Variants in CFAP92 observed in about 807,000 individuals in gnomAD.
CFAP92 encodes the protein uncharacterized protein CFAP92.
Under a neutral mutation model 106.3 loss-of-function variants are expected in CFAP92, and 86 were observed. The ratio of observed to expected loss-of-function variants is 0.81; its 90% CI spans 0.68 to 0.97. The LOEUF is 0.97. Among genes scored for constraint, CFAP92 ranks in the 50% least tolerant of loss-of-function variants. The pLI, the probability that CFAP92 is intolerant of heterozygous loss-of-function variation, is 0.00. For missense variants in CFAP92, 1,204 were observed against 1,283.8 expected (o/e 0.94, Z 0.95); for synonymous variants, 477 against 506.4 (o/e 0.94, Z 0.78).
the CFAP92 span, among the ~76,000 whole-genome samples, chr3:129,020,151 C>T: frequency 1.3e-5 from 2 of 152,074 alleles, no homozygotes; most frequent in Non-Finnish European, 2.9e-5. Flanking sequence ...GACAGCACTG[C>T]AGAAATTTAT....
chr3:128,915,446 C>T lies in CFAP92; in HGVS notation c.3034G>A (p.Ala1012Thr), dbSNP rs1432225706. The T allele has an allele frequency of 7.2e-6, 11 of 1,536,114 alleles. No homozygotes were observed. Among genetic ancestry groups the T allele is most frequent in the Non-Finnish European group, 9.6e-6 (11 of 1,146,912 alleles). ...QKKSRQAWLT[A>T]RGFQVTGLQS... is the part of the protein sequence containing the mutation. ...AGACCTGTCACTTGGAATCCCCTGG[C>T]TGTGAGCCAGGCCTGGCGGGATTTC... The change falls in exon 14 of 16, where the codon GCC becomes ACC. Residue 1012 changes from alanine (A) to threonine (T), a missense_variant. By Grantham distance (58) the Ala-to-Thr change is moderately conservative. Coordinates refer to ENST00000645291, the MANE Select transcript of CFAP92 (RefSeq NM_001394090.1).
rs149770595 is a variant in CFAP92 at position 128,915,125 on chromosome 3, C to A, written c.3274G>T (p.Val1092Leu). 6.5e-7 allele frequency: 1 copy of A among 1,535,886 alleles called. No homozygotes were observed. The highest frequency in any genetic ancestry group is 1.2e-5 in the South Asian group (1 of 84,038). The change falls in exon 15 of 16, where the codon GTA (valine) becomes TTA (leucine). Residue 1092 changes from valine (V) to leucine (L), a missense_variant. Physicochemically the swap from Val to Leu is conservative, Grantham distance 32 (BLOSUM62 1). Coordinates refer to ENST00000645291, the MANE Select transcript of CFAP92 (RefSeq NM_001394090.1). ...ELLPSPAPKP[V>L]TVRKKKGNSP... ...GCAAACCCTTGCCTGTTACCTGTTA[C>A]AGGCTTTGGTGCGGGCGAAGGGAGC...
At chr3:128,926,973 A>T (rs1937722646) in intron 12 of CFAP92, among the ~76,000 whole-genome samples, 1 of 152,084 alleles carries the variant, frequency 6.6e-6, no homozygotes, top group Admixed American at 6.5e-5. Flanking sequence ...GCATGCTTGT[A>T]GTCCCAGCTA....
At chr3:128,916,053 A>G in intron 13 of CFAP92, 54 bp downstream of exon 13, 1 of 1,204,366 alleles carries the variant, frequency 8.3e-7, no homozygotes, top group Non-Finnish European at 1.0e-6. Flanking sequence ...GCATGGTCAG[A>G]ATAAAGAACT....
At chr3:129,012,642 G>A in the CFAP92 span, among the ~76,000 whole-genome samples, 1 of 152,202 alleles carries the variant, frequency 6.6e-6, no homozygotes, top group Non-Finnish European at 1.5e-5. Context: ...TAGTCCTGTT[G>A]GCCCGGACCA....
intron 4 of CFAP92, among the ~76,000 whole-genome samples, chr3:128,980,373 A>G (rs2107799037): frequency 6.6e-6 from 1 of 151,634 alleles, no homozygotes; most frequent in Admixed American, 6.6e-5. Flanking sequence ...TCTCAAAAAA[A>G]AAAAAAAAAA....
upstream of CFAP92, among the ~76,000 whole-genome samples, chr3:129,005,960 T>C (rs918276940): frequency 6.6e-6 from 1 of 152,280 alleles, no homozygotes; most frequent in Non-Finnish European, 1.5e-5. Context: ...ACTAGTCCTC[T>C]ATAGCAGAAT....
chr3:129,001,236 C>T (rs909041845), intron 1 of CFAP92, among the ~76,000 whole-genome samples: 2 of 152,182 alleles, frequency 1.3e-5, no homozygotes, highest in African/African-American at 2.4e-5. Flanking sequence ...GAACTCTCCG[C>T]GCCAGGCGGG....
intron 10 of CFAP92, among the ~76,000 whole-genome samples, chr3:128,942,004 G>T (rs993398024): frequency 5.9e-5 from 9 of 152,142 alleles, no homozygotes; most frequent in African/African-American, 2.2e-4. Context: ...AAAAGCTTTT[G>T]AGATATAATT....
chr3:128,932,017 C>G (rs1280227783), intron 12 of CFAP92, among the ~76,000 whole-genome samples: 1 of 152,100 alleles, frequency 6.6e-6, no homozygotes, highest in Non-Finnish European at 1.5e-5. Flanking sequence ...GACCCCGATT[C>G]AAAAAACATA....
Position 128,971,421 on chromosome 3 carries a change from T to A in CFAP92, c.1034A>T (p.Asp345Val), listed in dbSNP as rs765893021. 1 of 1,607,958 alleles carries A rather than the reference T, an allele frequency of 6.2e-7. No homozygotes were observed. Among genetic ancestry groups the A allele is most frequent in the Admixed American group, 1.7e-5 (1 of 58,766 alleles). The change falls in exon 8 of 16, where the codon GAT becomes GTT. Residue 345 changes from aspartate (D) to valine (V), a missense_variant. Physicochemically the swap from Asp to Val is radical, Grantham distance 152. Transcript: ENST00000645291. Reference protein sequence around the residue: ...DRQRSQIKGKDSEGRRKIQRR... With the variant: ...DRQRSQIKGKVSEGRRKIQRR... ...CTGGATTTTCCTTCTTCCCTCTGAA[T>A]CTTTCCCTTTAACTGTGAAATCAAA...
chr3:128,983,660 G>A (rs1362465564), intron 4 of CFAP92, among the ~76,000 whole-genome samples: 1 of 152,240 alleles, frequency 6.6e-6, no homozygotes, highest in African/African-American at 2.4e-5. Flanking sequence ...ATTGGATTCA[G>A]TGTTGAATTA....
chr3:128,999,966 CAT>C lies in CFAP92; in HGVS notation n.117+2606_117+2607del, dbSNP rs1268680433. Among the ~76,000 whole-genome samples the C allele has an allele frequency of 2.0e-5, 3 of 152,236 alleles. No homozygotes were observed. In the East Asian group the frequency reaches 5.8e-4, roughly 29 times the overall value. On this transcript the variant is annotated intron_variant and non_coding_transcript_variant, in intron 1 of 4. Transcript: ENST00000510149. ...ATCTTCTTCTGTGCACTCACATACACATGTCCTAGTAGAAAATACTTAGTATT... is the reference window on the plus strand; with the variant it reads ...ATCTTCTTCTGTGCACTCACATACACGTCCTAGTAGAAAATACTTAGTATT...
At chr3:129,006,089 C>T (rs1426536244), upstream of CFAP92, among the ~76,000 whole-genome samples, 1 of 152,232 alleles carries the variant, frequency 6.6e-6, no homozygotes, top group Non-Finnish European at 1.5e-5. Context: ...CCCCAGTTTA[C>T]AGATTGTGAG....
the CFAP92 span, among the ~76,000 whole-genome samples, chr3:129,024,673 G>T: frequency 6.6e-6 from 1 of 152,168 alleles, no homozygotes; most frequent in Non-Finnish European, 1.5e-5. Flanking sequence ...AACAAAAGAG[G>T]GAGAGAGGGA....
intron 15 of CFAP92, chr3:128,913,201 C>A: frequency 2.6e-6 from 1 of 384,278 alleles, no homozygotes; most frequent in Admixed American, 2.9e-5. Flanking sequence ...TTGGTGATGG[C>A]CTCGGGTCCC....
chr3:129,021,636 C>T, the CFAP92 span, among the ~76,000 whole-genome samples: 177 of 152,240 alleles, frequency 1.2e-3, no homozygotes, highest in African/African-American at 3.8e-3. Context: ...TGAGTCTGCG[C>T]GGGTATCTGT....
At chr3:128,949,011 T>C (rs1260705051) in intron 9 of CFAP92, among the ~76,000 whole-genome samples, 1 of 152,140 alleles carries the variant, frequency 6.6e-6, no homozygotes, top group Non-Finnish European at 1.5e-5. Context: ...AACCATGATA[T>C]GATAACAATA....
At chr3:128,959,068 G>T (rs1941667000) in intron 9 of CFAP92, among the ~76,000 whole-genome samples, 1 of 152,068 alleles carries the variant, frequency 6.6e-6, no homozygotes, top group African/African-American at 2.4e-5. Flanking sequence ...AAATTAGCCG[G>T]GCGTGGTGGC....
Sources: gnomAD v4.1 joint callset for allele counts (sites outside exome capture counted in the v4.1 genomes callset) on GRCh38, gnomAD v4.1.1 for gene constraint, MANE v1.5 for transcripts, NCBI Gene and HGNC (gene_info 2026-07-23, HGNC 2026-07-21) for gene names.